Variants in MAX observed in about 807,000 individuals in gnomAD.
MAX encodes MYC associated transcriptional regulator X.
Under a neutral mutation model 22.3 loss-of-function variants are expected in MAX, and 3 were observed. The observed-to-expected ratio is 0.13, with a 90% CI of 0.06 to 0.35. The LOEUF is 0.35. Ranked by LOEUF, MAX falls within the 10% of genes least tolerant of loss-of-function variation. The pLI, the probability that MAX is intolerant of heterozygous loss-of-function variation, is 1.00. For synonymous variants in MAX, 72 were observed against 77.7 expected (o/e 0.93, Z 0.39); for missense variants, 119 against 209.4 (o/e 0.57, Z 2.66).
In MAX at chr14:65,011,264, A is replaced by T. The variant is rs1375699190; in HGVS notation, c.172-4980T>A. Among the ~76,000 whole-genome samples, 1 of 152,084 alleles carries T rather than the reference A, an allele frequency of 6.6e-6. No individual in the cohort carries two copies. On this transcript the variant is annotated intron_variant, in intron 3 of 3. Coordinates refer to the MAX transcript ENST00000341653. The surrounding 1 kb of genome is among the most constrained non-coding windows in gnomAD (Gnocchi z 4.0). ...GCAACATGGTGAAACCCCCGTCTCC[A>T]CTAAAAATACAAAAATTAGCTGGGT...
chr14:65,018,217 T>A (rs930264717), intron 3 of MAX, among the ~76,000 whole-genome samples: 5 of 152,000 alleles, frequency 3.3e-5, no homozygotes, highest in African/African-American at 1.2e-4. Flanking sequence ...GGTGCACACT[T>A]CTAGTTCTAG....
chr14:65,087,900 G>A (rs547318373), intron 3 of MAX, among the ~76,000 whole-genome samples: 69 of 152,286 alleles, frequency 4.5e-4, no homozygotes, highest in African/African-American at 1.5e-3. Flanking sequence ...GCAGGAACTC[G>A]GTGGGAGGTA....
intron 2 of MAX, among the ~76,000 whole-genome samples, chr14:65,096,543 C>A (rs1009612793): frequency 1.3e-5 from 2 of 152,086 alleles, no homozygotes; most frequent in Admixed American, 6.5e-5. Context: ...CTCATCCCCA[C>A]CCCCATTGGA....
Position 65,078,096 on chromosome 14 carries a change from G to T in MAX, c.172-60C>A. The T allele has an allele frequency of 6.2e-7, 1 of 1,607,850 alleles. No individual in the cohort carries two copies. ...ATAAAAACCCAATCCAGGCAGTGAG[G>T]GAACCTGGCCTGCAGCAACTGCTTG... On this transcript the variant is annotated intron_variant, in intron 3 of 4. Coordinates refer to ENST00000358664, the MANE Select transcript of MAX (RefSeq NM_002382.5). This position sits in a 1 kb window ranked among gnomAD's most constrained non-coding sequence, Gnocchi z 6.4.
chr14:65,066,263 G>A (rs1017200765), intron 3 of MAX, among the ~76,000 whole-genome samples: 1 of 152,192 alleles, frequency 6.6e-6, no homozygotes, highest in Admixed American at 6.5e-5. Context: ...TGATGAGTCC[G>A]TCTTCCCAGG....
rs2063583810 is a variant in MAX at position 65,093,866 on chromosome 14, G to T, written c.64-51C>A. 2.8e-6 allele frequency: 3 copies of T among 1,063,952 alleles called. No individual in the cohort carries two copies. In the African/African-American group the frequency reaches 4.7e-5, roughly 16 times the overall value. 65.9% of individuals were successfully genotyped at this position (1,063,952 alleles called of 1,614,324 possible). ...TTAGGAATGTCACTCCTTTTGCTTG[G>T]TACAAGGTGGGTGGGGTACAGCCTG... On this transcript the variant is annotated intron_variant, in intron 2 of 4. Coordinates refer to ENST00000358664, the MANE Select transcript of MAX (RefSeq NM_002382.5). This position sits in a 1 kb window ranked among gnomAD's most constrained non-coding sequence, Gnocchi z 4.4.
chr14:65,088,080 G>A lies in MAX; in HGVS notation c.171+5628C>T, dbSNP rs2063390081. Among the ~76,000 whole-genome samples, 2 of 152,154 alleles carry A rather than the reference G, an allele frequency of 1.3e-5. No homozygotes were observed. The highest frequency in any genetic ancestry group is 6.5e-5 in the Admixed American group (1 of 15,274). On this transcript the variant is annotated intron_variant, in intron 3 of 4. Transcript: ENST00000358664. This position sits in a 1 kb window ranked among gnomAD's most constrained non-coding sequence, Gnocchi z 5.2. The stretch of plus-strand genomic sequence containing the variant: ...TCCTCCTTGCCTTCGCCATGATTGT[G>A]AGGCTTCCTTCCAGCCACGTGGAAC...
rs1595058283 is a variant in MAX at position 65,030,736 on chromosome 14, T to A, written c.172-24452A>T. ...GCCTGGGCAACAAAGTGAGATCCTATCTTAAAAAAAAAAAAGAAGATGGAA... is the reference window on the plus strand; with the variant it reads ...GCCTGGGCAACAAAGTGAGATCCTAACTTAAAAAAAAAAAAGAAGATGGAA... On this transcript the variant is annotated intron_variant, in intron 3 of 3. Coordinates refer to the MAX transcript ENST00000341653. This position sits in a 1 kb window ranked among gnomAD's most constrained non-coding sequence, Gnocchi z 4.5. 6.6e-6 allele frequency among the ~76,000 whole-genome samples: 1 copy of A among 150,738 alleles called. No homozygotes were observed.
At chr14:65,033,534 C>CT (rs2062127076) in intron 3 of MAX, among the ~76,000 whole-genome samples, 1 of 152,162 alleles carries the variant, frequency 6.6e-6, no homozygotes, top group Admixed American at 6.5e-5. Context: ...GTTTGCTGTA[C>CT]TTTCCTGGAT....
intron 3 of MAX, among the ~76,000 whole-genome samples, chr14:65,022,409 AC>A (rs762454881): frequency 6.6e-6 from 1 of 151,686 alleles, no homozygotes; most frequent in Non-Finnish European, 1.5e-5. Flanking sequence ...TAACCTAAAT[AC>A]TTCTTGCTAC....
chr14:65,016,038 A>G (rs1001963463), intron 3 of MAX, among the ~76,000 whole-genome samples: 5 of 152,222 alleles, frequency 3.3e-5, no homozygotes, highest in African/African-American at 1.2e-4. Flanking sequence ...GCCAGAAAGT[A>G]CAGTATGCAT....
chr14:65,087,959 A>G (rs1181113723), intron 3 of MAX, among the ~76,000 whole-genome samples: 2 of 152,290 alleles, frequency 1.3e-5, no homozygotes, highest in East Asian at 1.9e-4. Flanking sequence ...GTGATAGTGA[A>G]TAAGTCTTGC....
chr14:65,057,300 G>C (rs560378321), intron 3 of MAX, among the ~76,000 whole-genome samples: 3 of 152,074 alleles, frequency 2.0e-5, no homozygotes, highest in South Asian at 4.1e-4. Context: ...ATGGTGGTTC[G>C]CACCTGTAAA....
rs936282974 is a variant in MAX, at chr14:65,030,294, G to A, written c.172-24010C>T. 5.3e-5 allele frequency among the ~76,000 whole-genome samples: 8 copies of A among 152,206 alleles called. No homozygotes were observed. Among genetic ancestry groups the A allele is most frequent in the African/African-American group, 1.7e-4 (7 of 41,458 alleles). On this transcript the variant is annotated intron_variant, in intron 3 of 3. Transcript: ENST00000341653. This position sits in a 1 kb window ranked among gnomAD's most constrained non-coding sequence, Gnocchi z 4.5. ...TGGCATTGGCACTTGTGACTCTTGT[G>A]TGCTCCCAATGCCTGCTGGTGGAAC... is the stretch of plus-strand genomic sequence containing the variant.
At chr14:65,015,809 G>GA (rs1376822000) in intron 3 of MAX, 21 of 1,398,144 alleles carry the variant, frequency 1.5e-5, no homozygotes, top group East Asian at 2.3e-5. Context: ...GTTTGGAATG[G>GA]AAAAAAACAG....
In MAX at chr14:65,093,984, A is replaced by G. The variant is rs184803066; in HGVS notation, c.64-169T>C. On this transcript the variant is annotated intron_variant, in intron 2 of 4. Transcript: ENST00000358664. The surrounding 1 kb of genome is among the most constrained non-coding windows in gnomAD (Gnocchi z 4.4). ...GGAGTCTCCAGAATTAGGCTCTGCT[A>G]AAGGGGGAGAAAGGGGTGAGCAACG... 1 of 666,978 alleles carries G rather than the reference A, an allele frequency of 1.5e-6. No homozygotes were observed. Among genetic ancestry groups the G allele is most frequent in the Non-Finnish European group, 2.8e-6 (1 of 362,726 alleles). 41.3% of individuals were successfully genotyped at this position (666,978 alleles called of 1,614,324 possible). A position where few individuals can be genotyped will look rare whatever the true frequency, so the allele number is the denominator to read the frequency against.
chr14:65,076,412 G>T lies in MAX; in HGVS notation c.*64C>A. ...AAATGGTTCTGAGGGCTCTACCAAC[G>T]AACTGAAAGGAGGATGAGACGATGG... On this transcript the variant is annotated 3_prime_UTR_variant, in exon 5 of 5. Coordinates refer to ENST00000358664, the MANE Select transcript of MAX (RefSeq NM_002382.5). The surrounding 1 kb of genome is among the most constrained non-coding windows in gnomAD (Gnocchi z 6.6). 6.2e-7 allele frequency: 1 copy of T among 1,611,538 alleles called. No homozygotes were observed. The highest frequency in any genetic ancestry group is 1.1e-5 in the South Asian group (1 of 90,486).
At chr14:65,037,726 C>CT (rs2062235168) in intron 3 of MAX, among the ~76,000 whole-genome samples, 1 of 117,544 alleles carries the variant, frequency 8.5e-6, no homozygotes, top group East Asian at 2.5e-4. Context: ...TGCCCAGCCT[C>CT]TTATTTATTT....
chr14:65,046,037 G>C (rs376459137), intron 3 of MAX, among the ~76,000 whole-genome samples: 19 of 152,210 alleles, frequency 1.2e-4, no homozygotes, highest in African/African-American at 4.6e-4. Flanking sequence ...GCCCAGGCCG[G>C]AGTGCAATGG....
Sources: allele counts gnomAD v4.1 joint callset (sites outside exome capture counted in the v4.1 genomes callset), GRCh38; gene constraint gnomAD v4.1.1; non-coding constraint Gnocchi (gnomAD v3.1); transcripts MANE v1.5; gene names NCBI Gene and HGNC (gene_info 2026-07-23, HGNC 2026-07-21).